The following ZFHX3 variants were observed in gnomAD, a reference collection of about 807,000 sequenced individuals.
The protein encoded by ZFHX3 is zinc finger homeobox protein 3.
ZFHX3 carries 42 observed loss-of-function variants against 279.1 expected under a neutral mutation model. The ratio of observed to expected loss-of-function variants is 0.15; its 90% CI spans 0.12 to 0.19. The LOEUF (loss-of-function observed/expected upper bound fraction) is 0.19. Among genes scored for constraint, ZFHX3 ranks in the 10% least tolerant of loss-of-function variants. The probability of loss-of-function intolerance (pLI) is 1.00; values close to 1 mark genes in which losing one functional copy is unlikely to be tolerated. For synonymous variants in ZFHX3, 2,293 were observed against 1,957.8 expected, an observed-to-expected ratio of 1.17 and a Z score of -4.52; for missense variants, 4,981 against 4,754.0, an observed-to-expected ratio of 1.05 and a Z score of -1.40.
At chr16:73,119,471 G>A (rs1966471221) in intron 7 of ZFHX3, among the ~76,000 whole-genome samples, 2 of 152,128 alleles carry the variant, frequency 1.3e-5, no homozygotes, top group Non-Finnish European at 2.9e-5. Context: ...TCCAAGGAGG[G>A]CAGGCCTTAG....
At position 72,923,885 on chromosome 16, in the gene ZFHX3, C is replaced by A. The variant is rs137923268; in HGVS notation, c.3216+26584G>T. On this transcript the variant is annotated intron_variant, in intron 3 of 9. Transcript: ENST00000268489. Reference sequence around the variant, plus strand: ...TCGTCCTACCACGTTCAAGACGCGGCTACTGGGCAGGTCCACGTCTTTAAG... The same window carrying A: ...TCGTCCTACCACGTTCAAGACGCGGATACTGGGCAGGTCCACGTCTTTAAG... 7.4e-3 allele frequency among the ~76,000 whole-genome samples: 1,121 copies of A among 152,332 alleles called. 23 individuals carry two copies. The highest frequency in any genetic ancestry group is 0.026 in the African/African-American group (1,072 of 41,582).
chr16:73,654,461 T>C (rs895995311), intron 2 of ZFHX3, among the ~76,000 whole-genome samples: 8 of 152,092 alleles, frequency 5.3e-5, no homozygotes, highest in African/African-American at 1.9e-4. Context: ...CTTCAGTTCT[T>C]TTTATGAGGG....
intron 1 of ZFHX3, among the ~76,000 whole-genome samples, chr16:73,841,953 G>A (rs551389089): frequency 2.0e-5 from 3 of 152,130 alleles, no homozygotes; most frequent in African/African-American, 7.2e-5. Flanking sequence ...GGTGGCTCAC[G>A]CTGGTAATCC....
intron 4 of ZFHX3, among the ~76,000 whole-genome samples, chr16:73,286,270 C>T (rs1283601796): frequency 1.3e-5 from 2 of 152,142 alleles, no homozygotes; most frequent in African/African-American, 4.8e-5. Context: ...CAGAGGAAAG[C>T]TCTGTTAGGA....
intron 1 of ZFHX3, among the ~76,000 whole-genome samples, chr16:72,987,525 G>A (rs1308460671): frequency 6.6e-6 from 1 of 152,152 alleles, no homozygotes; most frequent in Non-Finnish European, 1.5e-5. Flanking sequence ...GCAGCTCTGG[G>A]AGGTCATTGC....
At chr16:73,436,268 C>A (rs2017996305) in intron 3 of ZFHX3, among the ~76,000 whole-genome samples, 1 of 152,102 alleles carries the variant, frequency 6.6e-6, no homozygotes. Flanking sequence ...TTGTGGTAAG[C>A]CAAGATCACA....
At position 73,197,924 on chromosome 16, in the gene ZFHX3, G is replaced by GTTTTTTTT. The variant is rs71156148; in HGVS notation, c.-1103-54101_-1103-54094dup. Among the ~76,000 whole-genome samples, 75 of 53,784 alleles carry GTTTTTTTT rather than the reference G, an allele frequency of 1.4e-3. 9 individuals carry two copies. The highest frequency in any genetic ancestry group is 0.016 in the Middle Eastern group (1 of 64). 35.3% of individuals were successfully genotyped at this position (53,784 alleles called of 152,430 possible). A position where few individuals can be genotyped will look rare whatever the true frequency, so the allele number is the denominator to read the frequency against. On this transcript the variant is annotated intron_variant, in intron 5 of 17. Transcript: ENST00000641206. ...GATAAGTAGAGTATCTGATTTGGTG[G>GTTTTTTTT]TTTTTTTTTTTTTTTTTTTTTTTTT...
At chr16:73,530,373 C>T (rs1476561161) in intron 2 of ZFHX3, among the ~76,000 whole-genome samples, 1 of 152,114 alleles carries the variant, frequency 6.6e-6, no homozygotes, top group Non-Finnish European at 1.5e-5. Context: ...AATATGGGAA[C>T]ACAGCCAAAC....
chr16:73,250,736 G>A lies in ZFHX3; in HGVS notation c.-1104+6311C>T, dbSNP rs373124990. The stretch of plus-strand genomic sequence containing the variant: ...TTTTTAGTAGAGACGGGGTTTCACC[G>A]CGTTAGCCAGGATGGTCTCCATCTC... On this transcript the variant is annotated intron_variant, in intron 5 of 17. Transcript: ENST00000641206. Among the ~76,000 whole-genome samples, 21 of 151,998 alleles carry A rather than the reference G, an allele frequency of 1.4e-4. No homozygotes were observed. In the East Asian group the frequency reaches 2.5e-3, roughly 18 times the overall value.
At chr16:73,083,914 G>A (rs552534189) in intron 8 of ZFHX3, among the ~76,000 whole-genome samples, 1 of 152,274 alleles carries the variant, frequency 6.6e-6, no homozygotes, top group African/African-American at 2.4e-5. Context: ...CAGCCCCAGG[G>A]TGACACACCT....
intron 3 of ZFHX3, among the ~76,000 whole-genome samples, chr16:73,391,533 CT>C (rs1199316163): frequency 6.6e-6 from 1 of 152,114 alleles, no homozygotes; most frequent in African/African-American, 2.4e-5. Context: ...AACCTTATGA[CT>C]TTAGGGAATT....
intron 1 of ZFHX3, among the ~76,000 whole-genome samples, chr16:73,841,853 T>G (rs1961316739): frequency 1.3e-5 from 2 of 152,194 alleles, no homozygotes; most frequent in Admixed American, 1.3e-4. Context: ...ATACACTTTC[T>G]TTGCACATGA....
chr16:73,102,378 T>C (rs1966243013), intron 7 of ZFHX3, among the ~76,000 whole-genome samples: 1 of 152,346 alleles, frequency 6.6e-6, no homozygotes. Flanking sequence ...TCTATGCATA[T>C]GCTTTTCTAT....
chr16:72,950,413 T>A (rs986942774), intron 3 of ZFHX3, 56 bp downstream of exon 3: 2 of 1,581,568 alleles, frequency 1.3e-6, no homozygotes, highest in African/African-American at 2.7e-5. Context: ...AACTCCCCGG[T>A]GCGCAACCCC....
At chr16:73,416,129 A>AT (rs2017572790) in intron 3 of ZFHX3, among the ~76,000 whole-genome samples, 1 of 151,302 alleles carries the variant, frequency 6.6e-6, no homozygotes, top group African/African-American at 2.4e-5. Flanking sequence ...TCTCAAAAAA[A>AT]AAAAAAAAAC....
At chr16:73,695,739 C>T (rs971993135) in intron 1 of ZFHX3, among the ~76,000 whole-genome samples, 12 of 152,148 alleles carry the variant, frequency 7.9e-5, no homozygotes, top group East Asian at 1.9e-4. Context: ...TGTGAAGCTC[C>T]GAATACAGGG....
At chr16:73,429,263 C>T (rs983379336) in intron 3 of ZFHX3, among the ~76,000 whole-genome samples, 2 of 152,122 alleles carry the variant, frequency 1.3e-5, no homozygotes, top group African/African-American at 2.4e-5. Flanking sequence ...GTCCAGCCTT[C>T]CCCCATGCCC....
intron 5 of ZFHX3, among the ~76,000 whole-genome samples, chr16:73,220,817 C>T (rs1413207460): frequency 6.6e-6 from 1 of 152,018 alleles, no homozygotes; most frequent in African/African-American, 2.4e-5. Flanking sequence ...CTTCCAATAA[C>T]ATCCTCCTTT....
chr16:73,737,973 G>A (rs186908427), intron 1 of ZFHX3, among the ~76,000 whole-genome samples: 50 of 152,254 alleles, frequency 3.3e-4, no homozygotes, highest in African/African-American at 1.2e-3. Context: ...GTTTGGTGGG[G>A]GAGGAGGTCA....
Sources: gnomAD v4.1 joint callset for allele counts (sites outside exome capture counted in the v4.1 genomes callset) on GRCh38, gnomAD v4.1.1 for gene constraint, MANE v1.5 for transcripts, NCBI Gene and HGNC (gene_info 2026-07-23, HGNC 2026-07-21) for gene names.